Variants in ATRNL1 observed in about 807,000 individuals in gnomAD.
ATRNL1 encodes attractin like 1.
In ATRNL1, 95 loss-of-function variants were observed where a neutral mutation model predicts 182.7. That is an observed-to-expected ratio of 0.52 (90% CI 0.44 to 0.62). ATRNL1 has a LOEUF of 0.62. Among genes scored for constraint, ATRNL1 ranks in the 20% least tolerant of loss-of-function variants. The probability of loss-of-function intolerance (pLI) is 0.00; values close to 1 mark genes in which losing one functional copy is unlikely to be tolerated. For synonymous variants in ATRNL1, 576 were observed against 568.3 expected (o/e 1.01, Z -0.19); for missense variants, 1,471 against 1,679.5 (o/e 0.88, Z 2.17).
At chr10:115,183,808 A>C (rs954714610) in intron 8 of ATRNL1, among the ~76,000 whole-genome samples, 4 of 151,598 alleles carry the variant, frequency 2.6e-5, no homozygotes, top group Non-Finnish European at 5.9e-5. Flanking sequence ...AATTTGTTTT[A>C]TAAGGGAAGT....
chr10:115,224,260 C>T (rs1382671471), intron 9 of ATRNL1, among the ~76,000 whole-genome samples: 1 of 151,748 alleles, frequency 6.6e-6, no homozygotes, highest in Non-Finnish European at 1.5e-5. Flanking sequence ...AATTTTCATA[C>T]TGAAAATTTT....
At chr10:115,382,317 A>G (rs1460630775) in intron 19 of ATRNL1, among the ~76,000 whole-genome samples, 1 of 152,118 alleles carries the variant, frequency 6.6e-6, no homozygotes, top group African/African-American at 2.4e-5. Flanking sequence ...CTTCTTATCC[A>G]TGAACATGGG....
chr10:115,371,081 G>C (rs1189047803), intron 19 of ATRNL1, among the ~76,000 whole-genome samples: 2 of 152,210 alleles, frequency 1.3e-5, no homozygotes, highest in African/African-American at 4.8e-5. Context: ...TATTGAGCCT[G>C]TGGGTACACA....
chr10:115,303,768 C>T lies in ATRNL1; in HGVS notation c.2818+1725C>T, dbSNP rs538589067. 2.2e-4 allele frequency among the ~76,000 whole-genome samples: 33 copies of T among 152,158 alleles called. 1 individual carries two copies. The highest frequency in any genetic ancestry group is 7.5e-4 in the African/African-American group (31 of 41,526). ...ATTTGAAATGAGTGAATCTAATTAA[C>T]ATGTTGGTGTGTTTGATCCAGGTTC... On this transcript the variant is annotated intron_variant, in intron 17 of 28. Coordinates refer to ENST00000355044, the MANE Select transcript of ATRNL1 (RefSeq NM_207303.4).
rs1951189948 is a variant in ATRNL1, at chr10:115,856,452, C to CAAAAAAAAAAAAAAAAAAAAA, written c.4018+8461_4018+8462insAAAAAAAAAAAAAAAAAAAAA. ...TCAAAAAAAAAAAAAAAAAAAAAAG[C>CAAAAAAAAAAAAAAAAAAAAA]CATACATACTGTTCGTTGTGAATCT... is the stretch of plus-strand genomic sequence containing the variant. On this transcript the variant is annotated intron_variant, in intron 28 of 28. Coordinates refer to ENST00000355044, the MANE Select transcript of ATRNL1 (RefSeq NM_207303.4). 1.2e-4 allele frequency among the ~76,000 whole-genome samples: 2 copies of CAAAAAAAAAAAAAAAAAAAAA among 17,302 alleles called. 1 individual carries two copies. The highest frequency in any genetic ancestry group is 3.3e-4 in the Non-Finnish European group (2 of 6,102). The allele number at this position is 17,302 out of a possible 152,430, so 11.4% of individuals were successfully genotyped here.
intron 27 of ATRNL1, among the ~76,000 whole-genome samples, chr10:115,744,643 T>C (rs2907542): frequency 0.95 from 144,363 of 152,070 alleles, 68,930 homozygotes; most frequent in East Asian, 1. Flanking sequence ...ACCCTCTTTT[T>C]GCCATAATAT....
At chr10:115,619,926 G>C (rs1358992443) in intron 26 of ATRNL1, among the ~76,000 whole-genome samples, 1 of 152,130 alleles carries the variant, frequency 6.6e-6, no homozygotes, top group African/African-American at 2.4e-5. Context: ...GAATCTTAAG[G>C]TTAAATGTAT....
At chr10:115,336,447 T>C (rs979882802) in intron 19 of ATRNL1, among the ~76,000 whole-genome samples, 3 of 152,218 alleles carry the variant, frequency 2.0e-5, no homozygotes, top group Admixed American at 2.0e-4. Flanking sequence ...AGTGTTTCAG[T>C]ACTGAATTTT....
chr10:115,781,196 G>A (rs1294591554), intron 27 of ATRNL1, among the ~76,000 whole-genome samples: 2 of 152,084 alleles, frequency 1.3e-5, no homozygotes, highest in African/African-American at 2.4e-5. Context: ...TTAAAGACAA[G>A]CATCACCAAA....
intron 1 of ATRNL1, among the ~76,000 whole-genome samples, chr10:115,112,350 C>G (rs1430025657): frequency 6.6e-6 from 1 of 152,094 alleles, no homozygotes; most frequent in Non-Finnish European, 1.5e-5. Flanking sequence ...AAGAACAAAG[C>G]TAGAGGCATT....
At chr10:115,350,714 T>C (rs1368656429) in intron 19 of ATRNL1, among the ~76,000 whole-genome samples, 2 of 152,198 alleles carry the variant, frequency 1.3e-5, no homozygotes, top group Non-Finnish European at 2.9e-5. Flanking sequence ...TGCCTCTAGC[T>C]TTGTTCTTTT....
intron 27 of ATRNL1, among the ~76,000 whole-genome samples, chr10:115,735,130 A>G (rs1254518903): frequency 3.9e-5 from 6 of 152,176 alleles, no homozygotes. Context: ...CTTGGCTCAC[A>G]GTTGTTCTTC....
At chr10:115,266,730 A>C in intron 11 of ATRNL1, 67 bp from the exon 12 acceptor site, 1 of 885,198 alleles carries the variant, frequency 1.1e-6, no homozygotes, top group Non-Finnish European at 1.8e-6. Flanking sequence ...GCTTATTTTT[A>C]TAACTAAATC....
chr10:115,913,623 T>C (rs564440432), intron 28 of ATRNL1, among the ~76,000 whole-genome samples: 3 of 152,336 alleles, frequency 2.0e-5, no homozygotes, highest in Admixed American at 6.5e-5. Context: ...TGCCTCTAAC[T>C]CATAGATGGC....
chr10:115,142,997 A>G (rs1473883124), intron 5 of ATRNL1, among the ~76,000 whole-genome samples: 2 of 152,150 alleles, frequency 1.3e-5, no homozygotes, highest in African/African-American at 2.4e-5. Context: ...TCAAAAGGAG[A>G]TAGTGAGGAG....
chr10:115,536,533 G>A (rs554532450), intron 25 of ATRNL1, among the ~76,000 whole-genome samples: 1 of 152,316 alleles, frequency 6.6e-6, no homozygotes, highest in African/African-American at 2.4e-5. Context: ...CTTTGACTAG[G>A]TAAGGGAATT....
At chr10:115,920,102 C>T (rs1953003312) in intron 28 of ATRNL1, among the ~76,000 whole-genome samples, 1 of 152,182 alleles carries the variant, frequency 6.6e-6, no homozygotes, top group Admixed American at 6.5e-5. Flanking sequence ...TCATTGAAGT[C>T]CAGTCTCATC....
At chr10:115,898,547 G>T (rs1054067192) in intron 28 of ATRNL1, among the ~76,000 whole-genome samples, 1 of 152,176 alleles carries the variant, frequency 6.6e-6, no homozygotes, top group Admixed American at 6.5e-5. Flanking sequence ...GGCCCAGCCC[G>T]TTAATGTGGG....
intron 27 of ATRNL1, among the ~76,000 whole-genome samples, chr10:115,780,233 C>T (rs560533716): frequency 6.6e-6 from 1 of 152,312 alleles, no homozygotes; most frequent in East Asian, 1.9e-4. Flanking sequence ...CCAGGCTGAA[C>T]TCAGCCAGCA....
Sources: gnomAD v4.1 joint callset for allele counts (sites outside exome capture counted in the v4.1 genomes callset) on GRCh38, gnomAD v4.1.1 for gene constraint, MANE v1.5 for transcripts, NCBI Gene and HGNC (gene_info 2026-07-23, HGNC 2026-07-21) for gene names.